Variants in CDH12 observed in about 807,000 individuals in gnomAD.
CDH12 encodes the protein cadherin-12.
In CDH12, 41 loss-of-function variants were observed where a neutral mutation model predicts 74.1. That is an observed-to-expected ratio of 0.55 (90% CI 0.43 to 0.72). The LOEUF (loss-of-function observed/expected upper bound fraction) is 0.72. Among genes scored for constraint, CDH12 ranks in the 30% least tolerant of loss-of-function variants. The pLI is 0.00. For synonymous variants in CDH12, 399 were observed against 355.0 expected, an observed-to-expected ratio of 1.12 and a Z score of -1.39; for missense variants, 945 against 977.2, an observed-to-expected ratio of 0.97 and a Z score of 0.44.
chr5:22,270,187 A>C (rs1736326141), intron 3 of CDH12, among the ~76,000 whole-genome samples: 1 of 152,180 alleles, frequency 6.6e-6, no homozygotes, highest in Admixed American at 6.5e-5. Context: ...CACTCTCAAG[A>C]TGAAAATTAT....
intron 4 of CDH12, among the ~76,000 whole-genome samples, chr5:22,185,901 A>C (rs1200540300): frequency 1.3e-5 from 2 of 152,220 alleles, no homozygotes; most frequent in East Asian, 3.9e-4. Context: ...TTGCATTAAG[A>C]ACAGTAAAAA....
chr5:22,525,957 C>A (rs1737254303), intron 1 of CDH12, among the ~76,000 whole-genome samples: 1 of 152,164 alleles, frequency 6.6e-6, no homozygotes, highest in African/African-American at 2.4e-5. Flanking sequence ...CAGTATTTAT[C>A]TCTTTGCATG....
intron 1 of CDH12, among the ~76,000 whole-genome samples, chr5:22,802,537 C>T (rs1748588144): frequency 2.6e-5 from 4 of 152,100 alleles, no homozygotes; most frequent in Admixed American, 2.6e-4. Flanking sequence ...AGGATATTGT[C>T]TCCTATCCTC....
chr5:22,256,853 G>A (rs923224610), intron 3 of CDH12, among the ~76,000 whole-genome samples: 1 of 152,098 alleles, frequency 6.6e-6, no homozygotes, highest in African/African-American at 2.4e-5. Context: ...ATACCCAAAG[G>A]ATACAAATCA....
intron 6 of CDH12, chr5:21,882,595 G>C (rs1286849178): frequency 1.4e-5 from 23 of 1,595,500 alleles, no homozygotes; most frequent in Non-Finnish European, 1.9e-5. Context: ...AAATGCTTCG[G>C]TTACCCACAG....
At chr5:22,126,211 C>A (rs1745858036) in intron 4 of CDH12, among the ~76,000 whole-genome samples, 1 of 152,030 alleles carries the variant, frequency 6.6e-6, no homozygotes, top group Admixed American at 6.6e-5. Context: ...CTCCTGGGTG[C>A]TAAGTGAAGC....
chr5:21,867,183 T>A (rs796473520), intron 6 of CDH12, among the ~76,000 whole-genome samples: 8 of 152,164 alleles, frequency 5.3e-5, no homozygotes, highest in African/African-American at 1.9e-4. Context: ...GGTGAACCCA[T>A]GTCTCTACTA....
intron 8 of CDH12, among the ~76,000 whole-genome samples, chr5:21,818,914 T>A (rs1748211932): frequency 6.6e-6 from 1 of 152,152 alleles, no homozygotes; most frequent in South Asian, 2.1e-4. Context: ...GAAAGTCACA[T>A]TAATTGATCA....
chr5:22,700,404 A>G (rs1475552211), intron 1 of CDH12, among the ~76,000 whole-genome samples: 2 of 152,148 alleles, frequency 1.3e-5, no homozygotes, highest in Non-Finnish European at 2.9e-5. Flanking sequence ...CCACATGGGC[A>G]TGTGTCAAGG....
At chr5:22,012,345 G>A (rs984107322) in intron 5 of CDH12, among the ~76,000 whole-genome samples, 3 of 152,052 alleles carry the variant, frequency 2.0e-5, no homozygotes, top group African/African-American at 7.2e-5. Flanking sequence ...CATTACAATA[G>A]TGAGAAACAG....
At chr5:22,093,002 C>T (rs1214674800) in intron 4 of CDH12, among the ~76,000 whole-genome samples, 2 of 152,096 alleles carry the variant, frequency 1.3e-5, no homozygotes, top group Non-Finnish European at 2.9e-5. Flanking sequence ...TGCACAGCCT[C>T]ACATGAGAGT....
intron 6 of CDH12, among the ~76,000 whole-genome samples, chr5:21,868,942 G>A (rs1353573318): frequency 6.6e-6 from 1 of 152,122 alleles, no homozygotes; most frequent in Admixed American, 6.6e-5. Context: ...TACCCCTGGT[G>A]ACCCACTAAC....
intron 9 of CDH12, among the ~76,000 whole-genome samples, chr5:21,809,651 A>G (rs377225163): frequency 5.3e-5 from 8 of 152,302 alleles, no homozygotes; most frequent in African/African-American, 4.8e-5. Context: ...CTATGTGAGT[A>G]AAAAGAAAAA....
At chr5:22,300,385 GC>G (rs1275251467) in intron 3 of CDH12, among the ~76,000 whole-genome samples, 7 of 151,594 alleles carry the variant, frequency 4.6e-5, no homozygotes, top group African/African-American at 1.7e-4. Context: ...TCTAATATTA[GC>G]CCAGGAAAGC....
At chr5:22,347,423 G>A (rs942535851) in intron 3 of CDH12, among the ~76,000 whole-genome samples, 1 of 152,112 alleles carries the variant, frequency 6.6e-6, no homozygotes, top group Non-Finnish European at 1.5e-5. Context: ...TGGGCTCTTA[G>A]ACCTACACCA....
rs186023435 is a variant in CDH12, at chr5:22,400,107, C to T, written c.-333+5150G>A. Among the ~76,000 whole-genome samples the T allele has an allele frequency of 9.3e-4, 142 of 152,220 alleles. 1 individual carries two copies. Among genetic ancestry groups the T allele is most frequent in the African/African-American group, 3.3e-3 (138 of 41,534 alleles). On this transcript the variant is annotated intron_variant, in intron 3 of 14. Coordinates refer to ENST00000382254, the MANE Select transcript of CDH12 (RefSeq NM_004061.5). Reference sequence around the variant, plus strand: ...TAAGCATCAGTAACATATACTTCCCCCCTTTCTAGTGGTTAGATATCTCTG... The same window carrying T: ...TAAGCATCAGTAACATATACTTCCCTCCTTTCTAGTGGTTAGATATCTCTG...
At chr5:22,144,505 G>A (rs1279198517) in intron 4 of CDH12, among the ~76,000 whole-genome samples, 1 of 152,020 alleles carries the variant, frequency 6.6e-6, no homozygotes, top group East Asian at 1.9e-4. Flanking sequence ...TGGCCTCCTG[G>A]TCAATGCCTC....
At chr5:21,836,954 G>A (rs978786976) in intron 8 of CDH12, among the ~76,000 whole-genome samples, 7 of 151,866 alleles carry the variant, frequency 4.6e-5, no homozygotes, top group South Asian at 4.2e-4. Flanking sequence ...TTTGAAGACC[G>A]TTTTCTGGGT....
intron 5 of CDH12, among the ~76,000 whole-genome samples, chr5:22,064,257 C>G (rs184225633): frequency 1.8e-3 from 272 of 152,248 alleles, no homozygotes; most frequent in Non-Finnish European, 3.4e-3. Flanking sequence ...CTTGCGAATG[C>G]ATGGATTGTG....
Sources: allele counts gnomAD v4.1 joint callset (sites outside exome capture counted in the v4.1 genomes callset), GRCh38; gene constraint gnomAD v4.1.1; transcripts MANE v1.5; gene names NCBI Gene and HGNC (gene_info 2026-07-23, HGNC 2026-07-21).